Variants in PDXDC1 observed in about 807,000 individuals in gnomAD.
The protein encoded by PDXDC1 is pyridoxal dependent decarboxylase domain containing 1.
In PDXDC1, 42 loss-of-function variants were observed where a neutral mutation model predicts 100.1. The ratio of observed to expected loss-of-function variants is 0.42; its 90% CI spans 0.33 to 0.54. The LOEUF (loss-of-function observed/expected upper bound fraction) is 0.54. PDXDC1 is among the 20% of genes least tolerant of loss of function. PDXDC1 has a pLI of 0.10. For synonymous variants in PDXDC1, 260 were observed against 371.7 expected (o/e 0.70, Z 3.46); for missense variants, 636 against 979.2 (o/e 0.65, Z 4.68).
intron 16 of PDXDC1, among the ~76,000 whole-genome samples, chr16:15,124,127 A>C (rs1470244421): frequency 6.6e-6 from 1 of 152,200 alleles, no homozygotes; most frequent in Admixed American, 6.5e-5. Context: ...TTCTCTCCTA[A>C]GGTGTTTGCC....
At chr16:15,137,338 G>T (rs1261730116) in intron 16 of PDXDC1, 1 of 1,464,630 alleles carries the variant, frequency 6.8e-7, no homozygotes, top group African/African-American at 1.4e-5. Flanking sequence ...AGAGGGACAG[G>T]CAGGCGAAGG....
In PDXDC1 at chr16:15,037,821, T is replaced by C; in HGVS notation, c.*1546T>C. 1 of 472,214 alleles carries C rather than the reference T, an allele frequency of 2.1e-6. No individual in the cohort carries two copies. The highest frequency in any genetic ancestry group is 3.7e-6 in the Non-Finnish European group (1 of 269,420). The allele number at this position is 472,214 out of a possible 1,614,324, so 29.3% of individuals were successfully genotyped here. On this transcript the variant is annotated 3_prime_UTR_variant, in exon 23 of 23. Coordinates refer to ENST00000396410, the MANE Select transcript of PDXDC1 (RefSeq NM_015027.4). ...CCAAAAAAAAAACTGGACATCAATTTTTTAGTAAACCAAAAAATAAGTCTC... is the reference window on the plus strand; with the variant it reads ...CCAAAAAAAAAACTGGACATCAATTCTTTAGTAAACCAAAAAATAAGTCTC...
chr16:15,092,391 T>G, intron 16 of PDXDC1: 1 of 694,600 alleles, frequency 1.4e-6, no homozygotes, highest in Non-Finnish European at 2.6e-6. Context: ...TATTATTAAA[T>G]ATTTGATTTC....
chr16:15,085,607 T>G, intron 16 of PDXDC1: 1 of 1,604,664 alleles, frequency 6.2e-7, no homozygotes, highest in Admixed American at 1.7e-5. Context: ...TGAAAGCTAC[T>G]GTGCCCAGGC....
chr16:15,083,175 C>T (rs916153560), intron 16 of PDXDC1, among the ~76,000 whole-genome samples: 19 of 152,286 alleles, frequency 1.2e-4, no homozygotes, highest in Admixed American at 1.2e-3. Context: ...CCGAGGCAGG[C>T]AGATCACAAG....
intron 16 of PDXDC1, among the ~76,000 whole-genome samples, chr16:15,092,794 C>T (rs1005687847): frequency 6.6e-6 from 1 of 152,176 alleles, no homozygotes; most frequent in African/African-American, 2.4e-5. Flanking sequence ...ACTGTCTTCC[C>T]ACTGCACTTA....
intron 16 of PDXDC1, among the ~76,000 whole-genome samples, chr16:15,067,140 G>C (rs1296001552): frequency 6.6e-6 from 1 of 150,950 alleles, no homozygotes; most frequent in Non-Finnish European, 1.5e-5. Context: ...CAGAAGAGAG[G>C]ACACCTTGAA....
intron 16 of PDXDC1, among the ~76,000 whole-genome samples, chr16:15,095,750 C>T (rs372475994): frequency 4.6e-5 from 7 of 150,960 alleles, no homozygotes; most frequent in Non-Finnish European, 7.4e-5. Flanking sequence ...CTTGGGAGGC[C>T]GAGGCAGGAG....
In PDXDC1 at chr16:15,035,151, A is replaced by T. The variant is rs907301340; in HGVS notation, c.2003-298A>T. ...AGATAATCTGATTTCTAATCTGCCA[A>T]GCCTTAGCCTTCAGCAAAAAGGCAC... On this transcript the variant is annotated intron_variant, in intron 21 of 22. Transcript: ENST00000396410. Among the ~76,000 whole-genome samples, 5 of 152,206 alleles carry T rather than the reference A, an allele frequency of 3.3e-5. No homozygotes were observed. In the East Asian group the frequency reaches 7.7e-4, roughly 23 times the overall value.
At chr16:15,008,451 C>T (rs1210500772) in intron 6 of PDXDC1, among the ~76,000 whole-genome samples, 6 of 152,278 alleles carry the variant, frequency 3.9e-5, no homozygotes, top group Non-Finnish European at 5.9e-5. Context: ...TCCAAAATTA[C>T]CCCCACTAAA....
downstream of PDXDC1, chr16:15,038,694 A>G: frequency 1.4e-6 from 2 of 1,469,142 alleles, no homozygotes; most frequent in Non-Finnish European, 1.9e-6. Context: ...TCATCTAAAA[A>G]AGAACGTGTC....
chr16:15,061,961 C>T, intron 16 of PDXDC1: 1 of 1,506,270 alleles, frequency 6.6e-7, no homozygotes, highest in Non-Finnish European at 9.1e-7. Context: ...GAAAAGCTTT[C>T]AACAATTCCT....
chr16:14,976,233 C>T (rs1379681719), intron 1 of PDXDC1, among the ~76,000 whole-genome samples: 4 of 152,276 alleles, frequency 2.6e-5, no homozygotes, highest in African/African-American at 9.6e-5. Flanking sequence ...CAGTGCATAC[C>T]CGGTTTTTCA....
Position 15,131,600 on chromosome 16 carries a change from A to T in PDXDC1, c.1400-7279A>T, listed in dbSNP as rs370857611. ...CGCGTGAGGATGCGCATGAGGGCAG[A>T]GGTCAGGTTGTAGGCCTGGGACGCC... On this transcript the variant is annotated intron_variant, in intron 16 of 16. Transcript: ENST00000535621. 2,870 of 1,603,590 alleles carry T rather than the reference A, an allele frequency of 1.8e-3. 45 individuals are homozygous for T. In the East Asian group the frequency reaches 0.041, roughly 23 times the overall value.
chr16:15,144,330 G>C (rs1468318981), downstream of PDXDC1, among the ~76,000 whole-genome samples: 1 of 152,212 alleles, frequency 6.6e-6, no homozygotes, highest in African/African-American at 2.4e-5. Flanking sequence ...GCGGCTTCCA[G>C]GGCCGGAAAT....
downstream of PDXDC1, among the ~76,000 whole-genome samples, chr16:15,141,832 C>T (rs1442979358): frequency 2.0e-5 from 3 of 152,204 alleles, no homozygotes; most frequent in Admixed American, 6.5e-5. Flanking sequence ...GACTCACACC[C>T]GCTGCCCAAG....
At chr16:15,102,686 C>A (rs376913507) in intron 16 of PDXDC1, among the ~76,000 whole-genome samples, 6 of 146,132 alleles carry the variant, frequency 4.1e-5, no homozygotes. Flanking sequence ...TACAGTAGCT[C>A]CCACCTGTAA....
intron 6 of PDXDC1, 119 bp from the exon 7 acceptor site, chr16:15,008,660 C>T: frequency 2.2e-6 from 2 of 908,124 alleles, no homozygotes; most frequent in East Asian, 2.7e-5. Flanking sequence ...TTAAGAGTTC[C>T]TAAGGAGAGA....
At chr16:15,126,984 T>A in intron 16 of PDXDC1, 1 of 331,678 alleles carries the variant, frequency 3.0e-6, no homozygotes, top group Admixed American at 4.3e-5. Flanking sequence ...ATAGATGTGG[T>A]CTTGCTATGT....
Sources: gnomAD v4.1 joint callset for allele counts (sites outside exome capture counted in the v4.1 genomes callset) on GRCh38, gnomAD v4.1.1 for gene constraint, MANE v1.5 for transcripts, NCBI Gene and HGNC (gene_info 2026-07-23, HGNC 2026-07-21) for gene names.